Variants in CEP112 observed in about 807,000 individuals in gnomAD.
CEP112 encodes centrosomal protein 112, also known as centrosomal protein of 112 kDa.
Under a neutral mutation model 153.0 loss-of-function variants are expected in CEP112, and 127 were observed. The ratio of observed to expected loss-of-function variants is 0.83; its 90% CI spans 0.72 to 0.96. The LOEUF is 0.96. Ranked by LOEUF, CEP112 falls within the 40% of genes least tolerant of loss-of-function variation. The pLI is 0.00. For synonymous variants in CEP112, 358 were observed against 374.4 expected (o/e 0.96, Z 0.51); for missense variants, 1,089 against 1,101.2 (o/e 0.99, Z 0.16).
intron 21 of CEP112, among the ~76,000 whole-genome samples, chr17:65,771,462 C>G (rs1037314184): frequency 6.6e-6 from 1 of 152,100 alleles, no homozygotes; most frequent in Non-Finnish European, 1.5e-5. Flanking sequence ...TTCAAAACTC[C>G]TTTCACAGGA....
intron 20 of CEP112, among the ~76,000 whole-genome samples, chr17:65,866,115 C>G (rs1390566436): frequency 2.0e-5 from 3 of 152,116 alleles, no homozygotes; most frequent in Non-Finnish European, 2.9e-5. Flanking sequence ...CCAGGCATCT[C>G]AGCACTCTCG....
chr17:66,018,789 A>T (rs1376618554), intron 16 of CEP112, among the ~76,000 whole-genome samples: 1 of 152,226 alleles, frequency 6.6e-6, no homozygotes, highest in Non-Finnish European at 1.5e-5. Context: ...CAGTTCCATC[A>T]GAATGATTTT....
At chr17:66,041,058 A>G (rs1459946653) in intron 12 of CEP112, among the ~76,000 whole-genome samples, 1 of 151,220 alleles carries the variant, frequency 6.6e-6, no homozygotes, top group Non-Finnish European at 1.5e-5. Flanking sequence ...TCAATTGACC[A>G]ATTTATTGAA....
chr17:66,059,551 TCAA>T (rs1181134203), intron 11 of CEP112, among the ~76,000 whole-genome samples: 1 of 152,102 alleles, frequency 6.6e-6, no homozygotes, highest in African/African-American at 2.4e-5. Context: ...GAAAAAATGT[TCAA>T]CATCACACGT....
intron 23 of CEP112, among the ~76,000 whole-genome samples, chr17:65,692,487 A>C (rs1055084729): frequency 2.0e-5 from 3 of 152,126 alleles, no homozygotes; most frequent in Non-Finnish European, 4.4e-5. Flanking sequence ...TCAGCCTCCC[A>C]AAGTGCTGGG....
chr17:66,066,889 T>C lies in CEP112; in HGVS notation c.856-12A>G. On this transcript the variant is annotated splice_polypyrimidine_tract_variant and intron_variant, in intron 9 of 26. Transcript: ENST00000535342. ...TTTCTTTCTAAAATCTGCAAATAAA[T>C]TTAAAATATTTCAGTATATTGTACT... The C allele has an allele frequency of 6.8e-7, 1 of 1,480,406 alleles. No individual in the cohort carries two copies. The highest frequency in any genetic ancestry group is 1.3e-5 in the South Asian group (1 of 77,648). 91.7% of individuals were successfully genotyped at this position (1,480,406 alleles called of 1,614,324 possible). A position where few individuals can be genotyped will look rare whatever the true frequency, so the allele number is the denominator to read the frequency against.
intron 12 of CEP112, among the ~76,000 whole-genome samples, chr17:66,035,303 C>T (rs1434469316): frequency 1.3e-5 from 2 of 151,968 alleles, no homozygotes; most frequent in Non-Finnish European, 2.9e-5. Flanking sequence ...CTATTAAATG[C>T]TGTGGTCTGC....
At chr17:66,175,950 C>T (rs1438085653) in intron 3 of CEP112, among the ~76,000 whole-genome samples, 1 of 152,164 alleles carries the variant, frequency 6.6e-6, no homozygotes, top group Non-Finnish European at 1.5e-5. Flanking sequence ...ACAGAATCCT[C>T]AAGGCACTGT....
chr17:65,646,077 C>A (rs1162990870), intron 24 of CEP112, among the ~76,000 whole-genome samples: 2 of 152,216 alleles, frequency 1.3e-5, no homozygotes, highest in Non-Finnish European at 2.9e-5. Flanking sequence ...TCTCCTTCCT[C>A]CTGCCCTGCC....
intron 18 of CEP112, among the ~76,000 whole-genome samples, chr17:65,932,090 A>C (rs2061145426): frequency 6.6e-6 from 1 of 152,212 alleles, no homozygotes; most frequent in Non-Finnish European, 1.5e-5. Context: ...TTGATTATGC[A>C]GCCTAGCCAA....
At chr17:66,061,814 G>C (rs2066932513) in intron 11 of CEP112, among the ~76,000 whole-genome samples, 1 of 152,108 alleles carries the variant, frequency 6.6e-6, no homozygotes, top group African/African-American at 2.4e-5. Context: ...ACAGAGAGAA[G>C]TTAAAAAGCA....
At chr17:66,092,040 T>G (rs1261225058) in intron 8 of CEP112, among the ~76,000 whole-genome samples, 1 of 130,820 alleles carries the variant, frequency 7.6e-6, no homozygotes, top group Non-Finnish European at 1.6e-5. Flanking sequence ...AATTTATGTA[T>G]TTACTTTTTT....
intron 18 of CEP112, among the ~76,000 whole-genome samples, chr17:65,946,198 A>T (rs903118347): frequency 2.0e-5 from 3 of 152,148 alleles, no homozygotes; most frequent in Non-Finnish European, 4.4e-5. Context: ...GCCCAATTTT[A>T]AAATATTTTG....
intron 18 of CEP112, among the ~76,000 whole-genome samples, chr17:65,932,780 G>A (rs7503455): frequency 0.48 from 72,753 of 151,908 alleles, 18,418 homozygotes; most frequent in East Asian, 0.89. Flanking sequence ...AGGGGATGAT[G>A]CTAAATCATT....
rs547142915 is a variant in CEP112, at chr17:65,705,835, A to T, written c.2608-16617T>A. On this transcript the variant is annotated intron_variant, in intron 23 of 26. Transcript: ENST00000535342. Reference sequence around the variant, plus strand: ...TAAAGTTAATTTGGGATACTTAGTTATGAAGTAAATATTAGATGATACTAA... The same window carrying T: ...TAAAGTTAATTTGGGATACTTAGTTTTGAAGTAAATATTAGATGATACTAA... 1.6e-4 allele frequency among the ~76,000 whole-genome samples: 24 copies of T among 152,376 alleles called. No individual in the cohort carries two copies. In the East Asian group the frequency reaches 4.6e-3, roughly 29 times the overall value.
chr17:65,664,438 T>G (rs2046578350), intron 24 of CEP112, among the ~76,000 whole-genome samples: 1 of 152,182 alleles, frequency 6.6e-6, no homozygotes, highest in Non-Finnish European at 1.5e-5. Context: ...GTGAGGCAGT[T>G]GTTTTTCTGA....
At chr17:65,693,011 A>G (rs2048185418) in intron 23 of CEP112, among the ~76,000 whole-genome samples, 1 of 152,224 alleles carries the variant, frequency 6.6e-6, no homozygotes, top group South Asian at 2.1e-4. Context: ...CCAAATGTCT[A>G]TATCTATCTC....
chr17:65,783,570 A>T (rs2054114427), intron 21 of CEP112, among the ~76,000 whole-genome samples: 1 of 152,226 alleles, frequency 6.6e-6, no homozygotes, highest in Admixed American at 6.5e-5. Context: ...GGATAAGAAA[A>T]TTGTTGTATA....
At chr17:65,764,329 G>A (rs951422270) in intron 21 of CEP112, among the ~76,000 whole-genome samples, 5 of 152,072 alleles carry the variant, frequency 3.3e-5, no homozygotes, top group South Asian at 4.1e-4. Flanking sequence ...TCTCATTATC[G>A]GTCTGTTGTT....
Sources: allele counts gnomAD v4.1 joint callset (sites outside exome capture counted in the v4.1 genomes callset), GRCh38; gene constraint gnomAD v4.1.1; transcripts MANE v1.5; gene names NCBI Gene and HGNC (gene_info 2026-07-23, HGNC 2026-07-21).